HELZ: variants seen among roughly 807,000 people sequenced by gnomAD.
HELZ encodes the protein helicase with zinc finger.
Under a neutral mutation model 218.2 loss-of-function variants are expected in HELZ, and 23 were observed. The observed-to-expected ratio is 0.11, with a 90% CI of 0.08 to 0.15. HELZ has a LOEUF of 0.15. Ranked by LOEUF, HELZ falls within the 10% of genes least tolerant of loss-of-function variation. The pLI is 1.00. For missense variants in HELZ, 1,813 were observed against 2,353.7 expected (o/e 0.77, Z 4.75); for synonymous variants, 814 against 829.4 (o/e 0.98, Z 0.32).
At chr17:67,211,977 G>A (rs1242357036) in intron 5 of HELZ, among the ~76,000 whole-genome samples, 1 of 152,126 alleles carries the variant, frequency 6.6e-6, no homozygotes, top group East Asian at 1.9e-4. Flanking sequence ...TAGGTCAGAA[G>A]CTGCAAGTGG....
chr17:67,218,924 C>G, intron 3 of HELZ, 102 bp from the exon 4 acceptor site: 1 of 752,926 alleles, frequency 1.3e-6, no homozygotes, highest in Admixed American at 2.4e-5. Flanking sequence ...TATCTGAATA[C>G]TCTCAGCTAG....
intron 3 of HELZ, among the ~76,000 whole-genome samples, chr17:67,221,645 C>T (rs1410847768): frequency 1.3e-5 from 2 of 152,272 alleles, no homozygotes; most frequent in South Asian, 2.1e-4. Context: ...TCAACTTGCT[C>T]ACCTCTAAAC....
chr17:67,079,928 C>T (rs2036136750), intron 32 of HELZ, among the ~76,000 whole-genome samples: 1 of 152,104 alleles, frequency 6.6e-6, no homozygotes, highest in Non-Finnish European at 1.5e-5. Context: ...GAATACTATT[C>T]TTTTGTCATA....
chr17:67,221,949 T>C (rs1350432915), intron 3 of HELZ, among the ~76,000 whole-genome samples: 1 of 151,502 alleles, frequency 6.6e-6, no homozygotes, highest in Non-Finnish European at 1.5e-5. Context: ...ATCATCCTCC[T>C]TCCTTGGCCT....
chr17:67,220,872 G>A (rs2040727519), intron 3 of HELZ, among the ~76,000 whole-genome samples: 1 of 132,642 alleles, frequency 7.5e-6, no homozygotes. Flanking sequence ...AAAAAAAAGA[G>A]TACTGTATTC....
chr17:67,080,848 G>T (rs1041874421), intron 32 of HELZ, among the ~76,000 whole-genome samples: 1 of 152,152 alleles, frequency 6.6e-6, no homozygotes, highest in Non-Finnish European at 1.5e-5. Flanking sequence ...GGTGGGGAAA[G>T]ACTAGGAGGG....
rs1358755364 is a variant in HELZ, at chr17:67,190,199, G to A, written c.714C>T (p.Thr238=). Residue 238 remains threonine, a synonymous_variant, in exon 10 of 33, where the codon ACC becomes ACT. Coordinates refer to ENST00000358691, the MANE Select transcript of HELZ (RefSeq NM_014877.4). ...ATGAATTCATCCACTTTTCTATCAA[G>A]GTTTCCATGTAACTGCCTGAGAGCT... ...NKQLSGSYME[T]LIEKWMNSLS... 1.9e-6 allele frequency: 3 copies of A among 1,613,908 alleles called. No homozygotes were observed. The highest frequency in any genetic ancestry group is 1.3e-5 in the African/African-American group (1 of 74,918).
intron 3 of HELZ, among the ~76,000 whole-genome samples, chr17:67,222,638 C>A (rs1404574987): frequency 3.9e-5 from 6 of 152,290 alleles, no homozygotes; most frequent in Non-Finnish European, 7.3e-5. Context: ...ATGCTCCGTT[C>A]AGCTGTTTTG....
In HELZ at chr17:67,167,457, A is replaced by C; in HGVS notation, c.1764+6T>G. ...ACTATGGTTAAGCTGCAACCTTCAAACATACCTGTGTGTCACAGTCAGGCC... is the reference window on the plus strand; with the variant it reads ...ACTATGGTTAAGCTGCAACCTTCAACCATACCTGTGTGTCACAGTCAGGCC... On this transcript the variant is annotated splice_donor_region_variant and intron_variant, in intron 14 of 32. Transcript: ENST00000358691. The C allele has an allele frequency of 6.3e-7, 1 of 1,597,662 alleles. No individual in the cohort carries two copies. Among genetic ancestry groups the C allele is most frequent in the Non-Finnish European group, 8.6e-7 (1 of 1,166,048 alleles).
chr17:67,138,225 T>TA (rs373757165), intron 21 of HELZ, 111 bp from the exon 22 acceptor site: 123,265 of 522,026 alleles, frequency 0.24, 3,385 homozygotes, highest in African/African-American at 0.27. Flanking sequence ...AGATGTCATT[T>TA]AAAAAAAAAA....
At chr17:67,220,907 T>TA (rs1315745565) in intron 3 of HELZ, among the ~76,000 whole-genome samples, 1 of 149,350 alleles carries the variant, frequency 6.7e-6, no homozygotes, top group Non-Finnish European at 1.5e-5. Context: ...GGTTTCCCTT[T>TA]AAACTTCCTC....
intron 5 of HELZ, among the ~76,000 whole-genome samples, chr17:67,214,259 C>CTTTTTTTTTTTTTTT (rs777420102): frequency 1.1e-5 from 1 of 87,740 alleles, no homozygotes; most frequent in Non-Finnish European, 2.1e-5. Flanking sequence ...ATTAATATTT[C>CTTTTTTTTTTTTTTT]TTTTTTTTTT....
intron 15 of HELZ, among the ~76,000 whole-genome samples, chr17:67,165,642 T>G (rs1316243118): frequency 3.3e-5 from 5 of 152,176 alleles, no homozygotes; most frequent in African/African-American, 4.8e-5. Flanking sequence ...AAAAGACAGA[T>G]GCAGGCATAC....
In HELZ at chr17:67,150,005, C is replaced by T. The variant is rs755629852; in HGVS notation, c.2357-20G>A. 1 of 1,413,760 alleles carries T rather than the reference C, an allele frequency of 7.1e-7. No homozygotes were observed. The highest frequency in any genetic ancestry group is 9.9e-7 in the Non-Finnish European group (1 of 1,006,516). The allele number at this position is 1,413,760 out of a possible 1,614,324, so 87.6% of individuals were successfully genotyped here. ...AAAACCCTAGAAAATGCAGCATAAACACAGGATAGCACGCTAGAGCAGCAA... is the reference window on the plus strand; with the variant it reads ...AAAACCCTAGAAAATGCAGCATAAATACAGGATAGCACGCTAGAGCAGCAA... On this transcript the variant is annotated intron_variant, in intron 18 of 32. Transcript: ENST00000358691.
rs144479842 is a variant in HELZ at position 67,230,262 on chromosome 17, T to C, written c.-19+9171A>G. Among the ~76,000 whole-genome samples, 71 of 152,196 alleles carry C rather than the reference T, an allele frequency of 4.7e-4. 5 individuals carry two copies. Among genetic ancestry groups the C allele is most frequent in the East Asian group, 3.5e-3 (18 of 5,182 alleles). On this transcript the variant is annotated intron_variant, in intron 3 of 32. Transcript: ENST00000358691. ...CTCTTCCCAAATCACTTAACATGCT[T>C]ATTAATTTAAAAGATATGAAGAAAC...
In HELZ at chr17:67,218,757, T is replaced by G. The variant is rs761285321; in HGVS notation, c.48A>C (p.Ser16=). 34 of 1,614,114 alleles carry G rather than the reference T, an allele frequency of 2.1e-5. No homozygotes were observed. The highest frequency in any genetic ancestry group is 2.8e-5 in the Non-Finnish European group (33 of 1,180,046). Residue 16 remains serine, a synonymous_variant, in exon 4 of 33, where the codon TCA becomes TCC. Transcript: ENST00000358691. ...CCATTTCATAGTCCTGCCTCTTAAG[T>G]GATTCACATGCTTGTTCACATGACT... The part of the protein sequence containing the change: ...AEKSCEQACE[S]LKRQDYEMAL...
chr17:67,091,865 C>A (rs935703405), intron 31 of HELZ, among the ~76,000 whole-genome samples: 15 of 152,044 alleles, frequency 9.9e-5, no homozygotes, highest in South Asian at 2.1e-4. Context: ...CACTTAGGGT[C>A]TACTAACTTA....
At chr17:67,091,388 C>T (rs141336289) in intron 31 of HELZ, among the ~76,000 whole-genome samples, 1,662 of 152,136 alleles carry the variant, frequency 0.011, 20 homozygotes, top group South Asian at 0.018. Flanking sequence ...TCTACATAGA[C>T]TATATTTTAG....
In HELZ at chr17:67,193,380, G is replaced by C. The variant is rs569975631; in HGVS notation, c.557+587C>G. Reference sequence around the variant, plus strand: ...AAAAAAAAAGAAAAGAAAAACAAAAGGACAGAAATTAAGTTCAGCCATAAT... The same window carrying C: ...AAAAAAAAAGAAAAGAAAAACAAAACGACAGAAATTAAGTTCAGCCATAAT... On this transcript the variant is annotated intron_variant, in intron 9 of 32. Transcript: ENST00000358691. 6.7e-5 allele frequency among the ~76,000 whole-genome samples: 10 copies of C among 149,190 alleles called. No homozygotes were observed. The South Asian group carries it at 1.9e-3, about 29-fold the overall frequency.
Sources: gnomAD v4.1 joint callset for allele counts (sites outside exome capture counted in the v4.1 genomes callset) on GRCh38, gnomAD v4.1.1 for gene constraint, MANE v1.5 for transcripts, NCBI Gene and HGNC (gene_info 2026-07-23, HGNC 2026-07-21) for gene names.